ROBO1: variants seen among roughly 807,000 people sequenced by gnomAD.
The protein encoded by ROBO1 is roundabout homolog 1.
A neutral mutation model predicts 195.9 loss-of-function variants in ROBO1; 149 were observed. That is an observed-to-expected ratio of 0.76 (90% CI 0.67 to 0.87). The LOEUF (loss-of-function observed/expected upper bound fraction) is 0.87, where lower values mean the gene tolerates loss of function less well. Among genes scored for constraint, ROBO1 ranks in the 40% least tolerant of loss-of-function variants. The pLI is 0.00. For synonymous variants in ROBO1, 816 were observed against 733.2 expected (o/e 1.11, Z -1.82); for missense variants, 1,933 against 2,068.3 (o/e 0.93, Z 1.27).
At chr3:79,475,113 G>T (rs1938482114) in intron 2 of ROBO1, among the ~76,000 whole-genome samples, 2 of 151,312 alleles carry the variant, frequency 1.3e-5, no homozygotes, top group African/African-American at 4.9e-5. Flanking sequence ...TACTCCAAAG[G>T]AATGATAGTA....
intron 2 of ROBO1, among the ~76,000 whole-genome samples, chr3:79,243,296 G>A (rs2082557482): frequency 2.0e-5 from 3 of 151,974 alleles, no homozygotes; most frequent in South Asian, 2.1e-4. Flanking sequence ...ATAAACATAC[G>A]TGTGCATGTG....
At chr3:79,151,970 T>C (rs980938071) in intron 2 of ROBO1, among the ~76,000 whole-genome samples, 13 of 151,836 alleles carry the variant, frequency 8.6e-5, no homozygotes, top group Non-Finnish European at 1.9e-4. Flanking sequence ...TGACATTTTC[T>C]TTTTTAATCT....
At chr3:79,694,833 A>G (rs560935234) in intron 1 of ROBO1, among the ~76,000 whole-genome samples, 71 of 151,820 alleles carry the variant, frequency 4.7e-4, no homozygotes, top group African/African-American at 1.7e-3. Context: ...AAAATGCAAA[A>G]TTCTTTATCA....
intron 1 of ROBO1, among the ~76,000 whole-genome samples, chr3:79,728,554 A>G (rs1703021005): frequency 6.6e-6 from 1 of 152,202 alleles, no homozygotes; most frequent in Non-Finnish European, 1.5e-5. Flanking sequence ...CTATAATTTA[A>G]AAATAAATCA....
chr3:79,293,463 G>C (rs925481125), intron 2 of ROBO1, among the ~76,000 whole-genome samples: 1 of 151,990 alleles, frequency 6.6e-6, no homozygotes, highest in Admixed American at 6.6e-5. Context: ...TCTTTTAATT[G>C]TGATTTAAGA....
At chr3:79,313,487 T>C (rs1442130991) in intron 2 of ROBO1, among the ~76,000 whole-genome samples, 1 of 152,228 alleles carries the variant, frequency 6.6e-6, no homozygotes, top group Non-Finnish European at 1.5e-5. Context: ...TCAATGCTTT[T>C]AGAAGCTCTC....
At chr3:78,628,941 C>A (rs1359833906) in intron 25 of ROBO1, among the ~76,000 whole-genome samples, 1 of 152,176 alleles carries the variant, frequency 6.6e-6, no homozygotes, top group Non-Finnish European at 1.5e-5. Context: ...TCCATTGCTT[C>A]CAAAATTACA....
At chr3:78,947,436 T>G (rs1321226502) in intron 3 of ROBO1, among the ~76,000 whole-genome samples, 1 of 152,010 alleles carries the variant, frequency 6.6e-6, no homozygotes, top group African/African-American at 2.4e-5. Context: ...GGGTAAATAA[T>G]GAAACGAAGG....
At chr3:79,452,996 A>G (rs140203972) in intron 2 of ROBO1, among the ~76,000 whole-genome samples, 1 of 152,206 alleles carries the variant, frequency 6.6e-6, no homozygotes, top group East Asian at 1.9e-4. Flanking sequence ...CAGAATATAC[A>G]TACATATTGT....
intron 2 of ROBO1, among the ~76,000 whole-genome samples, chr3:79,511,433 GAT>G (rs1250876987): frequency 1.3e-5 from 2 of 152,060 alleles, no homozygotes; most frequent in East Asian, 3.9e-4. Context: ...ATTCTCGAAG[GAT>G]ATGCATTTTC....
intron 2 of ROBO1, among the ~76,000 whole-genome samples, chr3:79,409,495 T>C (rs1409765325): frequency 1.3e-5 from 2 of 152,132 alleles, no homozygotes; most frequent in African/African-American, 4.8e-5. Flanking sequence ...CAAAAGAATA[T>C]CTGATAAGTT....
chr3:79,252,985 T>C (rs1478317258), intron 2 of ROBO1, among the ~76,000 whole-genome samples: 1 of 152,184 alleles, frequency 6.6e-6, no homozygotes, highest in Admixed American at 6.6e-5. Flanking sequence ...GCCTTACCAG[T>C]GTGACCTAAC....
chr3:79,020,551 G>C (rs1469884587), intron 3 of ROBO1, among the ~76,000 whole-genome samples: 3 of 152,124 alleles, frequency 2.0e-5, no homozygotes, highest in Non-Finnish European at 4.4e-5. Flanking sequence ...AATTAGCCGG[G>C]CGTGGTGGCG....
chr3:79,085,529 G>A (rs1358221322), intron 3 of ROBO1, among the ~76,000 whole-genome samples: 1 of 152,184 alleles, frequency 6.6e-6, no homozygotes, highest in Middle Eastern at 3.4e-3. Context: ...TCTTCTTTCT[G>A]GGCAAGTAGA....
chr3:79,138,903 G>A (rs1193390889), intron 2 of ROBO1, among the ~76,000 whole-genome samples: 1 of 151,718 alleles, frequency 6.6e-6, no homozygotes, highest in Non-Finnish European at 1.5e-5. Flanking sequence ...GGCTGCTCTT[G>A]AAATTAAAGT....
chr3:78,848,416 G>A (rs938013533), intron 4 of ROBO1, among the ~76,000 whole-genome samples: 7 of 152,150 alleles, frequency 4.6e-5, no homozygotes, highest in African/African-American at 9.7e-5. Context: ...GAACAAAGGC[G>A]TCTCTGCTGT....
intron 2 of ROBO1, among the ~76,000 whole-genome samples, chr3:79,252,778 A>T (rs1024382833): frequency 1.3e-5 from 2 of 152,316 alleles, no homozygotes; most frequent in Non-Finnish European, 2.9e-5. Flanking sequence ...ATGGCTCTTT[A>T]AAAAATTTTA....
intron 3 of ROBO1, among the ~76,000 whole-genome samples, chr3:79,078,949 C>A (rs2079221722): frequency 6.6e-6 from 1 of 151,728 alleles, no homozygotes; most frequent in Non-Finnish European, 1.5e-5. Context: ...ATTGAATTCA[C>A]ACTATCATCA....
At chr3:79,109,542 A>G (rs144932202) in intron 3 of ROBO1, among the ~76,000 whole-genome samples, 6 of 152,202 alleles carry the variant, frequency 3.9e-5, no homozygotes, top group Admixed American at 6.5e-5. Context: ...AAAGATAGCT[A>G]GCACCTTGAT....
Sources: allele counts gnomAD v4.1 joint callset (sites outside exome capture counted in the v4.1 genomes callset), GRCh38; gene constraint gnomAD v4.1.1; transcripts MANE v1.5; gene names NCBI Gene and HGNC (gene_info 2026-07-23, HGNC 2026-07-21).